The following LRRC4C variants were observed in gnomAD, a reference collection of about 807,000 sequenced individuals.
LRRC4C encodes the protein leucine rich repeat containing 4C.
LRRC4C carries 5 observed loss-of-function variants against 33.6 expected under a neutral mutation model. The observed-to-expected ratio is 0.15, with a 90% CI of 0.08 to 0.31. The LOEUF (loss-of-function observed/expected upper bound fraction) is 0.31. Ranked by LOEUF, LRRC4C falls within the 10% of genes least tolerant of loss-of-function variation. LRRC4C has a pLI of 1.00. For synonymous variants in LRRC4C, 329 were observed against 302.0 expected (o/e 1.09, Z -0.93); for missense variants, 560 against 796.7 (o/e 0.70, Z 3.58).
At chr11:40,439,225 C>A (rs925754562) in intron 3 of LRRC4C, among the ~76,000 whole-genome samples, 1 of 151,598 alleles carries the variant, frequency 6.6e-6, no homozygotes, top group South Asian at 2.1e-4. Context: ...GAGGCGTGAG[C>A]CACTGGGCCT....
intron 3 of LRRC4C, among the ~76,000 whole-genome samples, chr11:40,570,961 A>G (rs1038665588): frequency 1.3e-5 from 2 of 152,164 alleles, no homozygotes; most frequent in Non-Finnish European, 2.9e-5. Flanking sequence ...ACAATTTTCT[A>G]TAATACTTTC....
At position 40,802,547 on chromosome 11, in the gene LRRC4C, AAAAG is replaced by A. The variant is rs1206708262; in HGVS notation, c.-407+131084_-407+131087del. Among the ~76,000 whole-genome samples the A allele has an allele frequency of 2.6e-5, 4 of 152,150 alleles. No individual in the cohort carries two copies. The East Asian group carries it at 5.8e-4, about 22-fold the overall frequency. ...AAGGAAGAGGAGGATAAGGAGGAAG[AAAAG>A]AAAGAGGAAAAGAAAGCCATTATTT... On this transcript the variant is annotated intron_variant, in intron 2 of 6. Transcript: ENST00000528697.
intron 5 of LRRC4C, among the ~76,000 whole-genome samples, chr11:40,198,334 G>T (rs1455095323): frequency 6.6e-6 from 1 of 152,090 alleles, no homozygotes; most frequent in Admixed American, 6.6e-5. Flanking sequence ...CCTATTTTCA[G>T]CTGAGATCCA....
intron 3 of LRRC4C, among the ~76,000 whole-genome samples, chr11:40,396,100 C>T (rs7931739): frequency 0.34 from 51,690 of 151,978 alleles, 9,960 homozygotes; most frequent in South Asian, 0.47. Context: ...TTTATGGAAG[C>T]GGCTCTTGTT....
At chr11:41,317,190 T>C (rs976376610) in intron 1 of LRRC4C, among the ~76,000 whole-genome samples, 21 of 152,218 alleles carry the variant, frequency 1.4e-4, no homozygotes, top group African/African-American at 4.6e-4. Context: ...CAGTTCTAGT[T>C]TCCTTGCAGT....
intron 3 of LRRC4C, among the ~76,000 whole-genome samples, chr11:40,497,935 A>G (rs1954552302): frequency 6.6e-6 from 1 of 152,176 alleles, no homozygotes; most frequent in Admixed American, 6.6e-5. Flanking sequence ...ATAGACCAGT[A>G]TTTCTGACTT....
intron 3 of LRRC4C, among the ~76,000 whole-genome samples, chr11:40,460,592 T>C (rs1952347479): frequency 6.6e-6 from 1 of 152,186 alleles, no homozygotes; most frequent in Non-Finnish European, 1.5e-5. Flanking sequence ...TTCACAGTAA[T>C]GCCACATTTG....
At chr11:40,875,063 G>A (rs1284050514) in intron 2 of LRRC4C, among the ~76,000 whole-genome samples, 1 of 152,032 alleles carries the variant, frequency 6.6e-6, no homozygotes, top group Non-Finnish European at 1.5e-5. Flanking sequence ...AGTATAAAAT[G>A]TCAGAATTTA....
chr11:41,125,162 A>G (rs1297766121), intron 1 of LRRC4C, among the ~76,000 whole-genome samples: 1 of 152,212 alleles, frequency 6.6e-6, no homozygotes, highest in Non-Finnish European at 1.5e-5. Context: ...AAGCAAGACC[A>G]TCTGTCTCCA....
intron 5 of LRRC4C, among the ~76,000 whole-genome samples, chr11:40,213,856 A>G (rs1432235762): frequency 2.6e-5 from 4 of 152,130 alleles, no homozygotes; most frequent in Non-Finnish European, 5.9e-5. Context: ...TTTCTATCAT[A>G]TATGTTACAT....
chr11:40,384,392 C>G (rs1044099390), intron 3 of LRRC4C, among the ~76,000 whole-genome samples: 1 of 151,982 alleles, frequency 6.6e-6, no homozygotes, highest in Non-Finnish European at 1.5e-5. Context: ...GAGATTGTAC[C>G]AAATTCTATT....
At chr11:40,384,661 C>A (rs1461531815) in intron 3 of LRRC4C, among the ~76,000 whole-genome samples, 1 of 152,076 alleles carries the variant, frequency 6.6e-6, no homozygotes, top group Non-Finnish European at 1.5e-5. Flanking sequence ...CTTCCTAATG[C>A]CTGATTATTT....
chr11:41,256,869 AG>A (rs1948817748), intron 1 of LRRC4C, among the ~76,000 whole-genome samples: 1 of 152,072 alleles, frequency 6.6e-6, no homozygotes, highest in Non-Finnish European at 1.5e-5. Flanking sequence ...GTGGCTACTT[AG>A]TGGAACAGTA....
chr11:40,590,931 G>A (rs2135732916), intron 3 of LRRC4C, among the ~76,000 whole-genome samples: 2 of 152,312 alleles, frequency 1.3e-5, no homozygotes, highest in East Asian at 3.9e-4. Context: ...CTGTCTTTTT[G>A]TTTGTCTGTG....
At chr11:41,276,341 T>C (rs1187841860) in intron 1 of LRRC4C, among the ~76,000 whole-genome samples, 2 of 133,244 alleles carry the variant, frequency 1.5e-5, no homozygotes, top group African/African-American at 5.0e-5. Context: ...TTTAGCTCCT[T>C]GAACATGCCC....
intron 1 of LRRC4C, among the ~76,000 whole-genome samples, chr11:41,032,750 A>C (rs1416385086): frequency 6.6e-6 from 1 of 152,032 alleles, no homozygotes; most frequent in Non-Finnish European, 1.5e-5. Flanking sequence ...GCAGTAATAC[A>C]TTGCAATAAA....
At chr11:40,967,635 T>C (rs1415026842) in intron 1 of LRRC4C, among the ~76,000 whole-genome samples, 1 of 152,030 alleles carries the variant, frequency 6.6e-6, no homozygotes, top group Non-Finnish European at 1.5e-5. Context: ...ATTTCTGATG[T>C]TACTATTTTA....
At chr11:41,415,728 A>G (rs2138265360) in intron 1 of LRRC4C, among the ~76,000 whole-genome samples, 1 of 152,228 alleles carries the variant, frequency 6.6e-6, no homozygotes, top group South Asian at 2.1e-4. Context: ...GATGGATGAT[A>G]TCTAAATTCG....
At chr11:40,670,474 C>A (rs146452334) in intron 2 of LRRC4C, among the ~76,000 whole-genome samples, 22 of 152,260 alleles carry the variant, frequency 1.4e-4, no homozygotes, top group African/African-American at 5.3e-4. Context: ...TTTTTTAATG[C>A]GGCTACATTG....
Sources: allele counts gnomAD v4.1 joint callset (sites outside exome capture counted in the v4.1 genomes callset), GRCh38; gene constraint gnomAD v4.1.1; transcripts MANE v1.5; gene names NCBI Gene and HGNC (gene_info 2026-07-23, HGNC 2026-07-21).